Variants in STXBP5L observed in about 807,000 individuals in gnomAD.
STXBP5L encodes the protein syntaxin-binding protein 5-like.
In STXBP5L, 65 loss-of-function variants were observed where a neutral mutation model predicts 144.5. That is an observed-to-expected ratio of 0.45 (90% CI 0.37 to 0.55). The LOEUF (loss-of-function observed/expected upper bound fraction) is 0.55, where lower values mean the gene tolerates loss of function less well. Among genes scored for constraint, STXBP5L ranks in the 20% least tolerant of loss-of-function variants. The pLI is 0.00. For synonymous variants in STXBP5L, 505 were observed against 469.6 expected (o/e 1.08, Z -0.97); for missense variants, 1,298 against 1,405.5 (o/e 0.92, Z 1.22).
intron 5 of STXBP5L, among the ~76,000 whole-genome samples, chr3:121,050,827 A>G (rs939891019): frequency 2.0e-5 from 3 of 152,208 alleles, no homozygotes; most frequent in Non-Finnish European, 4.4e-5. Context: ...AGTGTGCTGT[A>G]TTCAGGAAAC....
intron 7 of STXBP5L, among the ~76,000 whole-genome samples, chr3:121,132,665 C>A (rs942937941): frequency 6.6e-6 from 1 of 151,974 alleles, no homozygotes; most frequent in Non-Finnish European, 1.5e-5. Flanking sequence ...TGGAAACCAA[C>A]CCTAATGAAA....
Position 120,909,577 on chromosome 3 carries a change from A to C in STXBP5L, c.-2A>C. On this transcript the variant is annotated 5_prime_UTR_variant, in exon 2 of 27. Transcript: ENST00000471454. The stretch of plus-strand genomic sequence containing the variant: ...CCTTTGTATTTCTCAACAGTGTTTA[A>C]AATGAAGAAGTTTAATTTCCGAAAA... 1 of 1,612,664 alleles carries C rather than the reference A, an allele frequency of 6.2e-7. No individual in the cohort carries two copies. Among genetic ancestry groups the C allele is most frequent in the Non-Finnish European group, 8.5e-7 (1 of 1,179,730 alleles).
chr3:121,207,856 G>A (rs1180520791), intron 10 of STXBP5L, among the ~76,000 whole-genome samples: 1 of 152,092 alleles, frequency 6.6e-6, no homozygotes, highest in Non-Finnish European at 1.5e-5. Flanking sequence ...AGGATGTGGA[G>A]AAATAGGAAC....
chr3:121,015,073 A>T (rs1342824013), intron 3 of STXBP5L, among the ~76,000 whole-genome samples: 1 of 152,116 alleles, frequency 6.6e-6, no homozygotes, highest in East Asian at 1.9e-4. Flanking sequence ...CAGTGTCATT[A>T]AGAGGTTCTT....
intron 7 of STXBP5L, among the ~76,000 whole-genome samples, chr3:121,127,129 C>T (rs1000454267): frequency 6.7e-6 from 1 of 148,458 alleles, no homozygotes; most frequent in Non-Finnish European, 1.5e-5. Context: ...CCCAGAAGTC[C>T]TCTAAAGTAG....
rs553585794 is a variant in STXBP5L, at chr3:120,989,683, G to A, written c.287+34646G>A. Among the ~76,000 whole-genome samples the A allele has an allele frequency of 5.3e-5, 8 of 152,116 alleles. No homozygotes were observed. In the South Asian group the frequency reaches 1.5e-3, roughly 28 times the overall value. On this transcript the variant is annotated intron_variant, in intron 3 of 26. Coordinates refer to ENST00000471454, the MANE Select transcript of STXBP5L (RefSeq NM_001308330.2). ...CCCGCTCTACTAGTTTTTGTTTTAC[G>A]TATTACGTATTTTGAGGCTGTGTGG...
intron 3 of STXBP5L, among the ~76,000 whole-genome samples, chr3:121,000,665 G>T (rs568199140): frequency 6.6e-4 from 100 of 152,292 alleles, no homozygotes; most frequent in African/African-American, 2.3e-3. Context: ...AGCTAATATG[G>T]TCATTTGGAG....
chr3:120,988,676 T>A (rs1383348741), intron 3 of STXBP5L, among the ~76,000 whole-genome samples: 1 of 152,068 alleles, frequency 6.6e-6, no homozygotes. Context: ...TTAAAAAATT[T>A]TTTTAGAGAT....
chr3:121,086,052 G>A (rs2042475884), intron 5 of STXBP5L, among the ~76,000 whole-genome samples: 1 of 152,006 alleles, frequency 6.6e-6, no homozygotes, highest in African/African-American at 2.4e-5. Flanking sequence ...CCTAACAAAA[G>A]CAATGGGGAA....
chr3:120,935,202 A>G (rs1710200545), intron 2 of STXBP5L, among the ~76,000 whole-genome samples: 1 of 151,254 alleles, frequency 6.6e-6, no homozygotes, highest in Non-Finnish European at 1.5e-5. Flanking sequence ...TAGGTTTGCA[A>G]TATATATTCA....
intron 10 of STXBP5L, among the ~76,000 whole-genome samples, chr3:121,212,228 A>G (rs2048602883): frequency 6.6e-6 from 1 of 152,134 alleles, no homozygotes. Context: ...ATTAGATCCC[A>G]TTTGTTAATT....
At chr3:121,414,427 C>G (rs1324827428) in intron 24 of STXBP5L, among the ~76,000 whole-genome samples, 1 of 152,192 alleles carries the variant, frequency 6.6e-6, no homozygotes, top group Non-Finnish European at 1.5e-5. Context: ...TAAACTTTTA[C>G]AGCTATCCTG....
chr3:121,353,762 T>C (rs527638305), intron 20 of STXBP5L, among the ~76,000 whole-genome samples: 52 of 152,234 alleles, frequency 3.4e-4, no homozygotes, highest in Non-Finnish European at 5.4e-4. Flanking sequence ...CTAGCTCTTT[T>C]AATTGTGATG....
chr3:121,157,672 G>A (rs1483432941), intron 9 of STXBP5L, 45 bp downstream of exon 9: 2 of 1,567,506 alleles, frequency 1.3e-6, no homozygotes, highest in East Asian at 2.4e-5. Context: ...GCAATTCAGT[G>A]CCTTGACTTG....
intron 9 of STXBP5L, among the ~76,000 whole-genome samples, chr3:121,167,954 G>A (rs187348931): frequency 1.3e-5 from 2 of 152,242 alleles, no homozygotes; most frequent in East Asian, 3.9e-4. Flanking sequence ...TCTGGTGGGT[G>A]CCCCTCTGGG....
intron 3 of STXBP5L, among the ~76,000 whole-genome samples, chr3:120,986,410 A>G (rs1465694050): frequency 6.6e-6 from 1 of 151,890 alleles, no homozygotes. Context: ...ATTGTGTTAA[A>G]TTCTCTCTTT....
chr3:121,101,264 C>A (rs2043407219), intron 5 of STXBP5L, among the ~76,000 whole-genome samples: 1 of 152,010 alleles, frequency 6.6e-6, no homozygotes, highest in South Asian at 2.1e-4. Context: ...CACACTGATA[C>A]CAAAACCTGG....
intron 2 of STXBP5L, among the ~76,000 whole-genome samples, chr3:120,916,377 T>G (rs1323334455): frequency 6.6e-6 from 1 of 152,164 alleles, no homozygotes; most frequent in Non-Finnish European, 1.5e-5. Context: ...CTTGGCTCAC[T>G]GCAACCTCCA....
At chr3:121,139,190 T>G (rs2045388027) in intron 7 of STXBP5L, among the ~76,000 whole-genome samples, 1 of 152,018 alleles carries the variant, frequency 6.6e-6, no homozygotes, top group African/African-American at 2.4e-5. Context: ...TTGAATATGA[T>G]TAACAATTAT....
Sources: gnomAD v4.1 joint callset for allele counts (sites outside exome capture counted in the v4.1 genomes callset) on GRCh38, gnomAD v4.1.1 for gene constraint, MANE v1.5 for transcripts, NCBI Gene and HGNC (gene_info 2026-07-23, HGNC 2026-07-21) for gene names.